Variants in TAFA1 observed in about 807,000 individuals in gnomAD.
TAFA1 encodes TAFA chemokine like family member 1, also known as chemokine-like protein TAFA-1.
A neutral mutation model predicts 18.5 loss-of-function variants in TAFA1; 4 were observed. That is an observed-to-expected ratio of 0.22 (90% CI 0.11 to 0.49). The LOEUF is 0.49. Among genes scored for constraint, TAFA1 ranks in the 20% least tolerant of loss-of-function variants. TAFA1 has a pLI of 0.98. For missense variants in TAFA1, 147 were observed against 169.0 expected (o/e 0.87, Z 0.72); for synonymous variants, 56 against 55.2 (o/e 1.01, Z -0.06).
At chr3:68,268,442 G>C (rs1327487590) in intron 2 of TAFA1, among the ~76,000 whole-genome samples, 1 of 152,086 alleles carries the variant, frequency 6.6e-6, no homozygotes, top group Non-Finnish European at 1.5e-5. Context: ...GAGCCAGGCA[G>C]TTCAATTGTC....
At chr3:68,059,823 A>G (rs541555977) in intron 2 of TAFA1, among the ~76,000 whole-genome samples, 1 of 152,134 alleles carries the variant, frequency 6.6e-6, no homozygotes, top group Non-Finnish European at 1.5e-5. Flanking sequence ...GGAATTATTA[A>G]CCCAAGTGCC....
intron 2 of TAFA1, among the ~76,000 whole-genome samples, chr3:68,078,453 T>C (rs878953712): frequency 1.3e-5 from 2 of 152,216 alleles, no homozygotes; most frequent in African/African-American, 2.4e-5. Context: ...GGGTTTGTCA[T>C]AGATAGCTCT....
intron 2 of TAFA1, among the ~76,000 whole-genome samples, chr3:68,391,965 A>C (rs2070261375): frequency 6.6e-6 from 1 of 152,166 alleles, no homozygotes; most frequent in Non-Finnish European, 1.5e-5. Context: ...TGGGCAAAAT[A>C]ACCAGCTGGA....
chr3:68,041,476 GA>G, intron 2 of TAFA1, among the ~76,000 whole-genome samples: 1 of 152,180 alleles, frequency 6.6e-6, no homozygotes, highest in African/African-American at 2.4e-5. Flanking sequence ...GTAAAGGACA[GA>G]TTTTTTTTTC....
At chr3:68,346,060 A>G (rs1401516591) in intron 2 of TAFA1, among the ~76,000 whole-genome samples, 1 of 152,166 alleles carries the variant, frequency 6.6e-6, no homozygotes, top group Non-Finnish European at 1.5e-5. Context: ...CTGCATGTGG[A>G]TCAGATTTGT....
the TAFA1 span, among the ~76,000 whole-genome samples, chr3:67,995,402 A>G: frequency 4.7e-5 from 7 of 149,758 alleles, no homozygotes; most frequent in South Asian, 1.5e-3. Context: ...AGTTTTAAAA[A>G]CTCTCCAGAT....
At chr3:68,420,607 G>A (rs1008900464) in intron 3 of TAFA1, among the ~76,000 whole-genome samples, 1 of 152,088 alleles carries the variant, frequency 6.6e-6, no homozygotes, top group South Asian at 2.1e-4. Flanking sequence ...TTCTCCCAGG[G>A]ATCATTTGGT....
intron 2 of TAFA1, among the ~76,000 whole-genome samples, chr3:68,187,978 T>A (rs1466030700): frequency 5.3e-5 from 8 of 151,996 alleles, no homozygotes. Context: ...AGTTTCTGTT[T>A]ACATTTCTTG....
intron 2 of TAFA1, among the ~76,000 whole-genome samples, chr3:68,089,013 G>T (rs2065002712): frequency 6.6e-6 from 1 of 152,174 alleles, no homozygotes; most frequent in African/African-American, 2.4e-5. Flanking sequence ...TATGGTGGCT[G>T]CCATTCACTG....
intron 2 of TAFA1, among the ~76,000 whole-genome samples, chr3:68,389,070 T>A (rs2070169368): frequency 6.6e-6 from 1 of 152,206 alleles, no homozygotes; most frequent in Non-Finnish European, 1.5e-5. Flanking sequence ...AAGCAGTACA[T>A]GGTCCACGTT....
At chr3:68,212,638 A>G (rs1269031092) in intron 2 of TAFA1, among the ~76,000 whole-genome samples, 1 of 151,998 alleles carries the variant, frequency 6.6e-6, no homozygotes, top group Non-Finnish European at 1.5e-5. Flanking sequence ...ACATTTTCTC[A>G]GCTTTTATCC....
intron 3 of TAFA1, among the ~76,000 whole-genome samples, chr3:68,537,380 A>G (rs543096469): frequency 1.3e-5 from 2 of 152,338 alleles, no homozygotes; most frequent in East Asian, 3.9e-4. Context: ...TTGAAACTTC[A>G]TAAAGAATGG....
chr3:68,042,655 C>A (rs1470236359), intron 2 of TAFA1, among the ~76,000 whole-genome samples: 1 of 152,126 alleles, frequency 6.6e-6, no homozygotes, highest in Non-Finnish European at 1.5e-5. Flanking sequence ...ATCTCAAACA[C>A]ACAAACAAAA....
intron 2 of TAFA1, among the ~76,000 whole-genome samples, chr3:68,171,887 A>G (rs1042536201): frequency 1.3e-5 from 2 of 152,282 alleles, no homozygotes; most frequent in Admixed American, 6.5e-5. Context: ...AGGTCAATTA[A>G]GATTGTCCAG....
chr3:68,175,670 T>G (rs984945266), intron 2 of TAFA1, among the ~76,000 whole-genome samples: 2 of 152,204 alleles, frequency 1.3e-5, no homozygotes, highest in Admixed American at 6.5e-5. Flanking sequence ...TTTTTGATTT[T>G]ACAGGCTCAT....
intron 2 of TAFA1, among the ~76,000 whole-genome samples, chr3:68,067,377 C>T (rs2064693177): frequency 6.6e-6 from 1 of 152,026 alleles, no homozygotes; most frequent in Non-Finnish European, 1.5e-5. Flanking sequence ...TTATTCACTC[C>T]ATCATTTATT....
At chr3:68,160,471 G>A (rs13090148) in intron 2 of TAFA1, among the ~76,000 whole-genome samples, 22,186 of 152,128 alleles carry the variant, frequency 0.15, 1,978 homozygotes, top group Non-Finnish European at 0.2. Flanking sequence ...GAGTCAAACC[G>A]CCCAGAAGAT....
chr3:68,313,323 C>G (rs537369650), intron 2 of TAFA1, among the ~76,000 whole-genome samples: 2 of 152,264 alleles, frequency 1.3e-5, no homozygotes, highest in African/African-American at 4.8e-5. Flanking sequence ...TATTTAAACT[C>G]CTTACTTCAA....
intron 2 of TAFA1, among the ~76,000 whole-genome samples, chr3:68,399,324 C>T (rs1177059488): frequency 2.6e-5 from 4 of 152,022 alleles, no homozygotes; most frequent in South Asian, 2.1e-4. Flanking sequence ...ATTGCTGAGC[C>T]CAGGAGATTT....
Sources: allele counts gnomAD v4.1 joint callset (sites outside exome capture counted in the v4.1 genomes callset), GRCh38; gene constraint gnomAD v4.1.1; transcripts MANE v1.5; gene names NCBI Gene and HGNC (gene_info 2026-07-23, HGNC 2026-07-21).